The following RGS3 variants were observed in gnomAD, a reference collection of about 807,000 sequenced individuals.
The protein encoded by RGS3 is regulator of G protein signaling 3.
RGS3 carries 80 observed loss-of-function variants against 132.6 expected under a neutral mutation model. That is an observed-to-expected ratio of 0.60 (90% confidence interval 0.50 to 0.73). The LOEUF (loss-of-function observed/expected upper bound fraction) is 0.73. Ranked by LOEUF, RGS3 falls within the 30% of genes least tolerant of loss-of-function variation. The pLI, the probability that RGS3 is intolerant of heterozygous loss-of-function variation, is 0.00. For missense variants in RGS3, 1,382 were observed against 1,530.8 expected, an observed-to-expected ratio of 0.90 and a Z score of 1.62; for synonymous variants, 598 against 620.6, an observed-to-expected ratio of 0.96 and a Z score of 0.54.
intron 7 of RGS3, among the ~76,000 whole-genome samples, chr9:113,488,917 C>G (rs908317780): frequency 3.9e-5 from 6 of 152,332 alleles, no homozygotes; most frequent in Admixed American, 2.6e-4. Context: ...CAGGAAACTT[C>G]GGCTCTGCTG....
Position 113,596,763 on chromosome 9 carries a change from C to T in RGS3, c.3412-5C>T. ...CCCTGACCATGTCCCCCTCTGCCTC[C>T]CCAGGTCAACCTGGACTCCTACACG... On this transcript the variant is annotated splice_polypyrimidine_tract_variant and splice_region_variant and intron_variant, in intron 24 of 24. Transcript: ENST00000350696. The T allele has an allele frequency of 6.2e-7, 1 of 1,605,374 alleles. No individual in the cohort carries two copies. Among genetic ancestry groups the T allele is most frequent in the Non-Finnish European group, 8.5e-7 (1 of 1,175,850 alleles).
exon 17 of RGS3, chr9:113,523,034 G>A: frequency 2.5e-6 from 4 of 1,610,274 alleles, no homozygotes; most frequent in South Asian, 2.2e-5. Context: ...GTGTGAAGCT[G>A]CAGGAAGGTA....
chr9:113,594,582 C>G (rs770717041), intron 22 of RGS3, 51 bp downstream of exon 20: 7 of 1,403,368 alleles, frequency 5.0e-6, no homozygotes, highest in Non-Finnish European at 7.0e-6. Flanking sequence ...ACTGGCTCCC[C>G]GGGGAGTAGG....
intron 19 of RGS3, among the ~76,000 whole-genome samples, chr9:113,571,119 A>G (rs558019541): frequency 6.6e-6 from 1 of 152,308 alleles, no homozygotes; most frequent in African/African-American, 2.4e-5. Context: ...ATTTCCTTGT[A>G]TGAATATACC....
At chr9:113,509,348 A>G (rs1032789034) in intron 14 of RGS3, among the ~76,000 whole-genome samples, 1 of 152,062 alleles carries the variant, frequency 6.6e-6, no homozygotes, top group South Asian at 2.1e-4. Context: ...AATGGGGTCA[A>G]TAATTCCTAC....
chr9:113,579,152 G>A lies in RGS3; in HGVS notation c.2038-4298G>A, dbSNP rs370213493. ...TCCGTGGTGGCTGTGATGAATCATC[G>A]GAGTGAGAGCTGCAGGTTGTCCCTG... On this transcript the variant is annotated intron_variant, in intron 19 of 24. Transcript: ENST00000350696. The surrounding 1 kb of genome is among the most constrained non-coding windows in gnomAD (Gnocchi z 4.3). Among the ~76,000 whole-genome samples the A allele has an allele frequency of 5.9e-5, 9 of 152,176 alleles. No homozygotes were observed. Among genetic ancestry groups the A allele is most frequent in the South Asian group, 2.1e-4 (1 of 4,830 alleles).
At chr9:113,470,367 G>A (rs1481525649) in intron 3 of RGS3, among the ~76,000 whole-genome samples, 1 of 152,148 alleles carries the variant, frequency 6.6e-6, no homozygotes, top group African/African-American at 2.4e-5. Context: ...CACTGTGATT[G>A]TAAATTTGTC....
intron 8 of RGS3, 24 bp from the exon 7 acceptor site, chr9:113,497,290 G>A (rs371645669): frequency 9.0e-5 from 143 of 1,588,614 alleles, no homozygotes; most frequent in South Asian, 1.2e-4. Context: ...GTGTCTGAGC[G>A]TGCCATTCCT....
At chr9:113,476,347 C>T (rs755480836) in intron 3 of RGS3, among the ~76,000 whole-genome samples, 64 of 152,104 alleles carry the variant, frequency 4.2e-4, no homozygotes, top group Admixed American at 3.9e-4. Flanking sequence ...CAGGCATGAC[C>T]GTTCTGGCTA....
chr9:113,501,655 A>G, intron 10 of RGS3: 1 of 1,554,400 alleles, frequency 6.4e-7, no homozygotes. Context: ...TCTTGTGGGG[A>G]GCCTGTGGGG....
chr9:113,491,700 G>A (rs1286520366), intron 7 of RGS3, among the ~76,000 whole-genome samples: 4 of 151,786 alleles, frequency 2.6e-5, no homozygotes, highest in Non-Finnish European at 5.9e-5. Context: ...GATTACAGGC[G>A]CATGCCACCA....
At chr9:113,513,301 C>G (rs967604110) in intron 14 of RGS3, among the ~76,000 whole-genome samples, 1 of 147,832 alleles carries the variant, frequency 6.8e-6, no homozygotes, top group African/African-American at 2.7e-5. Context: ...CCCCTCCCCC[C>G]ACACCGCCGT....
intron 19 of RGS3, chr9:113,582,359 A>G (rs1349948392): frequency 3.4e-6 from 1 of 298,356 alleles, no homozygotes; most frequent in Non-Finnish European, 5.0e-6. Context: ...GTTTTCTGCC[A>G]GTGTGCGCGT....
intron 16 of RGS3, 140 bp downstream of exon 14, chr9:113,517,764 C>CCA: frequency 1.6e-6 from 1 of 620,794 alleles, no homozygotes; most frequent in East Asian, 2.8e-5. Flanking sequence ...AAGGACCCCG[C>CCA]CACTCTCCCT....
In RGS3 at chr9:113,507,338, C is replaced by G; in HGVS notation, c.1137C>G (p.Val379=). 2 of 1,613,956 alleles carry G rather than the reference C, an allele frequency of 1.2e-6. No individual in the cohort carries two copies. Among genetic ancestry groups the G allele is most frequent in the Non-Finnish European group, 1.7e-6 (2 of 1,180,002 alleles). Residue 379 remains valine (V), a synonymous_variant, in exon 13 of 25, where the codon GTC becomes GTG. Transcript: ENST00000350696. The surrounding 1 kb of genome is among the most constrained non-coding windows in gnomAD (Gnocchi z 5.0). ...TCGTGTGGCGCATGGTCCCCCAGGT[C>G]AAGCCAGGACCAGATGGCGGGGTCC...
chr9:113,526,440 T>G (rs1376772017), intron 17 of RGS3, among the ~76,000 whole-genome samples: 1 of 152,100 alleles, frequency 6.6e-6, no homozygotes, highest in African/African-American at 2.4e-5. Context: ...GGGGTAGAAG[T>G]GTGACATGGT....
chr9:113,584,373 C>T (rs544673803), exon 20 of RGS3: 1 of 1,553,494 alleles, frequency 6.4e-7, no homozygotes, highest in Non-Finnish European at 8.6e-7. Context: ...AAGAGCTGGG[C>T]CGCAATGGTG....
Position 113,506,973 on chromosome 9 carries a change from G to A in RGS3, c.1086-314G>A, listed in dbSNP as rs758518509. Among the ~76,000 whole-genome samples the A allele has an allele frequency of 1.3e-5, 2 of 152,176 alleles. No homozygotes were observed. The highest frequency in any genetic ancestry group is 4.8e-5 in the African/African-American group (2 of 41,450). On this transcript the variant is annotated intron_variant, in intron 12 of 24. Coordinates refer to ENST00000350696, the Ensembl canonical transcript of RGS3. This position sits in a 1 kb window ranked among gnomAD's most constrained non-coding sequence, Gnocchi z 4.7. ...ATGAGGGCTTGCACTTAGGTGACCT[G>A]CTAGCTTTACTTGCTTATATCTTGC...
intron 19 of RGS3, among the ~76,000 whole-genome samples, chr9:113,576,207 A>T (rs528560521): frequency 1.3e-5 from 2 of 152,066 alleles, no homozygotes; most frequent in Non-Finnish European, 2.9e-5. Flanking sequence ...CTCAAAAAAA[A>T]CAAAAACAAA....
Sources: allele counts gnomAD v4.1 joint callset (sites outside exome capture counted in the v4.1 genomes callset), GRCh38; gene constraint gnomAD v4.1.1; non-coding constraint Gnocchi (gnomAD v3.1); transcripts MANE v1.5; gene names NCBI Gene and HGNC (gene_info 2026-07-23, HGNC 2026-07-21).